The following LDLRAD4 variants were observed in gnomAD, a reference collection of about 807,000 sequenced individuals.
LDLRAD4 encodes the protein low density lipoprotein receptor class A domain containing 4, also known as low-density lipoprotein receptor class A domain-containing protein 4.
A neutral mutation model predicts 17.0 loss-of-function variants in LDLRAD4; 5 were observed. That is an observed-to-expected ratio of 0.29 (90% CI 0.15 to 0.62). The LOEUF (loss-of-function observed/expected upper bound fraction) is 0.62. Among genes scored for constraint, LDLRAD4 ranks in the 20% least tolerant of loss-of-function variants. The pLI is 0.84. For synonymous variants in LDLRAD4, 168 were observed against 171.8 expected, an observed-to-expected ratio of 0.98 and a Z score of 0.17; for missense variants, 340 against 424.7, an observed-to-expected ratio of 0.80 and a Z score of 1.75.
intron 3 of LDLRAD4, among the ~76,000 whole-genome samples, chr18:13,537,079 G>GTCTTCTC (rs2094210796): frequency 6.6e-6 from 1 of 152,098 alleles, no homozygotes. Flanking sequence ...TTGGTCTGTT[G>GTCTTCTC]TCTTCTCTTT....
intron 2 of LDLRAD4, among the ~76,000 whole-genome samples, chr18:13,403,054 C>T (rs931485954): frequency 1.3e-5 from 2 of 152,122 alleles, no homozygotes; most frequent in African/African-American, 2.4e-5. Flanking sequence ...ATTTGCTGTC[C>T]TGGAGAAAGG....
At chr18:13,269,090 C>A (rs919886848) in intron 1 of LDLRAD4, among the ~76,000 whole-genome samples, 4 of 152,174 alleles carry the variant, frequency 2.6e-5, no homozygotes, top group Non-Finnish European at 5.9e-5. Context: ...GTGTTCTGTG[C>A]TTCTTAGTTT....
intron 1 of LDLRAD4, among the ~76,000 whole-genome samples, chr18:13,224,769 T>G (rs1264928802): frequency 2.0e-5 from 3 of 151,944 alleles, no homozygotes; most frequent in Admixed American, 6.6e-5. Context: ...CATGAGCCAC[T>G]GCATCTGGCC....
chr18:13,611,343 C>A, intron 3 of LDLRAD4: 1 of 323,380 alleles, frequency 3.1e-6, no homozygotes, highest in Non-Finnish European at 4.5e-6. Flanking sequence ...GGGCTCCCGG[C>A]AGTGCTTGTG....
intron 1 of LDLRAD4, among the ~76,000 whole-genome samples, chr18:13,384,477 T>C (rs182036911): frequency 6.6e-6 from 1 of 152,378 alleles, no homozygotes; most frequent in East Asian, 1.9e-4. Flanking sequence ...TTTTATTAAC[T>C]GTGGTCACCA....
At chr18:13,431,239 C>T (rs11877012) in intron 2 of LDLRAD4, among the ~76,000 whole-genome samples, 14,611 of 152,214 alleles carry the variant, frequency 0.096, 1,945 homozygotes, top group African/African-American at 0.3. Context: ...TCAAACTCTT[C>T]TCCCATGTCC....
At chr18:13,228,700 T>A (rs944916316) in intron 1 of LDLRAD4, among the ~76,000 whole-genome samples, 1 of 152,134 alleles carries the variant, frequency 6.6e-6, no homozygotes, top group African/African-American at 2.4e-5. Flanking sequence ...ACAAAAAAAA[T>A]GTTAAAAAAT....
At chr18:13,350,010 C>T (rs891803905) in intron 1 of LDLRAD4, among the ~76,000 whole-genome samples, 1 of 152,182 alleles carries the variant, frequency 6.6e-6, no homozygotes, top group African/African-American at 2.4e-5. Flanking sequence ...ATATGTACCA[C>T]ATTTTCTGTA....
intron 1 of LDLRAD4, among the ~76,000 whole-genome samples, chr18:13,283,559 A>G (rs1157541569): frequency 1.3e-5 from 2 of 152,150 alleles, no homozygotes; most frequent in Non-Finnish European, 2.9e-5. Context: ...GTCTGAGACC[A>G]CCTCAGCCTG....
chr18:13,555,443 C>G (rs2094474244), intron 3 of LDLRAD4, among the ~76,000 whole-genome samples: 1 of 152,132 alleles, frequency 6.6e-6, no homozygotes, highest in Non-Finnish European at 1.5e-5. Flanking sequence ...TCTTCTTTTT[C>G]TCTTTGTAGA....
intron 2 of LDLRAD4, among the ~76,000 whole-genome samples, chr18:13,417,037 C>T (rs1600107371): frequency 1.3e-5 from 2 of 152,174 alleles, no homozygotes; most frequent in South Asian, 4.1e-4. Context: ...GTAGTAGAGC[C>T]AGCTTCGAAA....
intron 3 of LDLRAD4, among the ~76,000 whole-genome samples, chr18:13,498,549 C>T (rs71353271): frequency 0.065 from 9,500 of 146,366 alleles, 402 homozygotes; most frequent in African/African-American, 0.13. Context: ...GAATCCTTCT[C>T]GCCACACACG....
chr18:13,480,078 T>C (rs756274145), intron 3 of LDLRAD4, among the ~76,000 whole-genome samples: 2 of 152,214 alleles, frequency 1.3e-5, no homozygotes, highest in Admixed American at 1.3e-4. Context: ...CACAGAGGAA[T>C]TGAAACATTA....
At chr18:13,295,143 A>T (rs2046202304) in intron 1 of LDLRAD4, among the ~76,000 whole-genome samples, 1 of 152,226 alleles carries the variant, frequency 6.6e-6, no homozygotes, top group Non-Finnish European at 1.5e-5. Flanking sequence ...ATATGGCAGC[A>T]GTAGGGAGAC....
chr18:13,466,264 A>T (rs1267484902), intron 3 of LDLRAD4, among the ~76,000 whole-genome samples: 1 of 152,132 alleles, frequency 6.6e-6, no homozygotes, highest in African/African-American at 2.4e-5. Flanking sequence ...TGAACCCAGG[A>T]GTTCAAGACT....
intron 3 of LDLRAD4, among the ~76,000 whole-genome samples, chr18:13,620,092 C>T (rs902445311): frequency 6.6e-6 from 1 of 152,122 alleles, no homozygotes; most frequent in African/African-American, 2.4e-5. Flanking sequence ...GCAGCAGACG[C>T]ACACAGTCGT....
intron 2 of LDLRAD4, among the ~76,000 whole-genome samples, chr18:13,414,736 G>A (rs537691777): frequency 8.9e-4 from 136 of 152,322 alleles, no homozygotes; most frequent in South Asian, 1.2e-3. Context: ...TGGGGAGCTC[G>A]AGAAGGAGAA....
At chr18:13,244,804 C>T (rs796620229) in intron 1 of LDLRAD4, among the ~76,000 whole-genome samples, 22 of 152,258 alleles carry the variant, frequency 1.4e-4, no homozygotes, top group African/African-American at 5.1e-4. Flanking sequence ...TGTGGATTGA[C>T]CTCATGGTTG....
chr18:13,527,422 A>G (rs890370644), intron 3 of LDLRAD4, among the ~76,000 whole-genome samples: 3 of 152,160 alleles, frequency 2.0e-5, no homozygotes, highest in African/African-American at 7.2e-5. Flanking sequence ...CCGGGCCCTT[A>G]TGGTGCTGGC....
Sources: allele counts gnomAD v4.1 joint callset (sites outside exome capture counted in the v4.1 genomes callset), GRCh38; gene constraint gnomAD v4.1.1; transcripts MANE v1.5; gene names NCBI Gene and HGNC (gene_info 2026-07-23, HGNC 2026-07-21).